The following PPM1G variants were observed in gnomAD, a reference collection of about 807,000 sequenced individuals.
PPM1G encodes the protein protein phosphatase 1G.
Under a neutral mutation model 59.4 loss-of-function variants are expected in PPM1G, and 12 were observed. The observed-to-expected ratio is 0.20, with a 90% CI of 0.13 to 0.33. PPM1G has a LOEUF of 0.33. PPM1G is among the 10% of genes least tolerant of loss of function. The pLI, the probability that PPM1G is intolerant of heterozygous loss-of-function variation, is 1.00. For synonymous variants in PPM1G, 245 were observed against 251.9 expected (o/e 0.97, Z 0.26); for missense variants, 392 against 681.3 (o/e 0.58, Z 4.73).
chr2:27,392,523 G>A (rs770940554), intron 1 of PPM1G, among the ~76,000 whole-genome samples: 3 of 143,846 alleles, frequency 2.1e-5, no homozygotes, highest in Non-Finnish European at 4.5e-5. Context: ...TCAAACTCCC[G>A]ACCTCAGGTG....
intron 3 of PPM1G, 100 bp downstream of exon 3, chr2:27,386,091 AAGC>A: frequency 7.1e-6 from 9 of 1,268,312 alleles, no homozygotes; most frequent in African/African-American, 1.5e-5. Context: ...AAGAGTAAAT[AAGC>A]AGCAGCAGCT....
At chr2:27,386,039 TA>T in intron 3 of PPM1G, 154 bp downstream of exon 3, 1 of 1,255,648 alleles carries the variant, frequency 8.0e-7, no homozygotes, top group Non-Finnish European at 1.1e-6. Context: ...AAGGCAAGTC[TA>T]AAAGGCGGCC....
chr2:27,389,681 T>A (rs1043396093), intron 1 of PPM1G, among the ~76,000 whole-genome samples: 1 of 152,106 alleles, frequency 6.6e-6, no homozygotes, highest in African/African-American at 2.4e-5. Context: ...TGTTATGAGA[T>A]TGGCTAGGTG....
In PPM1G at chr2:27,382,194, T is replaced by A; in HGVS notation, c.1366A>T (p.Ile456Phe). 7 of 1,614,198 alleles carry A rather than the reference T, an allele frequency of 4.3e-6. No homozygotes were observed. The highest frequency in any genetic ancestry group is 5.9e-6 in the Non-Finnish European group (7 of 1,180,016). ...TCACGCTGGCTGATCTTTGATTGAA[T>A]GAAATCTACAACTTCCTGGCTGCTC... The part of the protein sequence containing the change: ...VMSSQEVVDF[I>F]QSKISQRDEN... The change falls in exon 9 of 10, where the codon ATT (isoleucine) becomes TTT (phenylalanine). Residue 456 changes from isoleucine to phenylalanine, a missense_variant. By Grantham distance (21) the Ile-to-Phe change is conservative. This residue lies in a region of PPM1G where 29 missense variants were observed against 38.9 expected (regional missense o/e 0.75). Coordinates refer to ENST00000344034, the MANE Select transcript of PPM1G (RefSeq NM_177983.3). This position sits in a 1 kb window ranked among gnomAD's most constrained non-coding sequence, Gnocchi z 4.2.
chr2:27,393,349 A>G, intron 1 of PPM1G: 1 of 1,595,300 alleles, frequency 6.3e-7, no homozygotes, highest in Non-Finnish European at 8.5e-7. Flanking sequence ...CGCACCTGCG[A>G]GGTAGACGCG....
At chr2:27,386,503 T>C (rs1683767409) in intron 2 of PPM1G, 1 of 368,616 alleles carries the variant, frequency 2.7e-6, no homozygotes, top group Admixed American at 3.9e-5. Flanking sequence ...TTTTCTCACC[T>C]GTATACTTAG....
At position 27,382,034 on chromosome 2, in the gene PPM1G, A is replaced by G. The variant is rs1683644351; in HGVS notation, c.1434+92T>C. 3 of 1,287,720 alleles carry G rather than the reference A, an allele frequency of 2.3e-6. No individual in the cohort carries two copies. The highest frequency in any genetic ancestry group is 2.4e-5 in the South Asian group (2 of 81,926). The allele number at this position is 1,287,720 out of a possible 1,614,324, so 79.8% of individuals were successfully genotyped here. On this transcript the variant is annotated intron_variant, in intron 9 of 9. Coordinates refer to ENST00000344034, the MANE Select transcript of PPM1G (RefSeq NM_177983.3). The surrounding 1 kb of genome is among the most constrained non-coding windows in gnomAD (Gnocchi z 4.2). ...TTAGCGTCTGTCAGCAATTACTGAT[A>G]ATGCTCCCAGATTGCCGACTTAGCT...
Position 27,383,273 on chromosome 2 carries a change from G to T in PPM1G, c.1201+93C>A. 8.9e-7 allele frequency: 1 copy of T among 1,118,948 alleles called. No individual in the cohort carries two copies. The highest frequency in any genetic ancestry group is 1.3e-6 in the Non-Finnish European group (1 of 756,416). 69.3% of individuals were successfully genotyped at this position (1,118,948 alleles called of 1,614,324 possible). On this transcript the variant is annotated intron_variant, in intron 7 of 9. Coordinates refer to ENST00000344034, the MANE Select transcript of PPM1G (RefSeq NM_177983.3). The surrounding 1 kb of genome is among the most constrained non-coding windows in gnomAD (Gnocchi z 5.0). ...TAGTAGATATTAAAGTGCTTTGAAA[G>T]GCACAAGCACTAGGAAGATTAAAGT...
intron 9 of PPM1G, 85 bp from the exon 10 acceptor site, chr2:27,381,890 G>A: frequency 7.1e-7 from 1 of 1,407,122 alleles, no homozygotes; most frequent in South Asian, 1.2e-5. Context: ...CTGGCTTGCT[G>A]AGTCAGGGTG....
intron 1 of PPM1G, among the ~76,000 whole-genome samples, chr2:27,393,787 G>C (rs1307919313): frequency 6.6e-6 from 1 of 151,794 alleles, no homozygotes; most frequent in Non-Finnish European, 1.5e-5. Context: ...TTTAGAGACA[G>C]AGTCTCACTC....
In PPM1G at chr2:27,381,703, G is replaced by A. The variant is rs569991722; in HGVS notation, c.1537C>T (p.Leu513Phe). 1 of 1,614,030 alleles carries A rather than the reference G, an allele frequency of 6.2e-7. No individual in the cohort carries two copies. The highest frequency in any genetic ancestry group is 1.3e-5 in the African/African-American group (1 of 74,966). ...ICFKPRNTAELQPESGKRKLE... is the reference protein window; with the variant it reads ...ICFKPRNTAEFQPESGKRKLE... Reference sequence around the variant, plus strand: ...TTTCGCTTGCCACTCTCTGGCTGGAGCTCTGCTGTGTTTCGGGGCTTGAAG... The same window carrying A: ...TTTCGCTTGCCACTCTCTGGCTGGAACTCTGCTGTGTTTCGGGGCTTGAAG... The change falls in exon 10 of 10, where the codon CTC (leucine) becomes TTC (phenylalanine). Residue 513 changes from leucine (L) to phenylalanine (F), a missense_variant. Leu to Phe is a conservative substitution (Grantham distance 22). This residue lies in a region of PPM1G where 49 missense variants were observed against 43.4 expected (regional missense o/e 1.13). Transcript: ENST00000344034.
rs1205255529 is a variant in PPM1G at position 27,394,051 on chromosome 2, C to T, written c.121-6893G>A. Among the ~76,000 whole-genome samples the T allele has an allele frequency of 3.9e-5, 6 of 152,012 alleles. No homozygotes were observed. The South Asian group carries it at 1.2e-3, about 32-fold the overall frequency. ...TGCTGGGATTACAGGCATGAGCCAC[C>T]GCGCCCGGCCTAATTTTTTATTTTT... is the stretch of plus-strand genomic sequence containing the variant. On this transcript the variant is annotated intron_variant, in intron 1 of 9. Transcript: ENST00000344034.
intron 1 of PPM1G, among the ~76,000 whole-genome samples, chr2:27,403,494 T>A (rs546217512): frequency 1.3e-5 from 2 of 152,286 alleles, no homozygotes; most frequent in East Asian, 3.9e-4. Context: ...GGCATACATG[T>A]GATATAATTC....
chr2:27,402,945 C>A (rs1422041120), intron 1 of PPM1G, among the ~76,000 whole-genome samples: 1 of 150,680 alleles, frequency 6.6e-6, no homozygotes, highest in East Asian at 2.0e-4. Flanking sequence ...ATTAGCCAGT[C>A]ATGGTGGCAT....
intron 1 of PPM1G, among the ~76,000 whole-genome samples, chr2:27,402,849 T>TA (rs1348453372): frequency 2.9e-3 from 309 of 104,750 alleles, no homozygotes; most frequent in African/African-American, 9.4e-3. Context: ...AATAAATAAA[T>TA]AAATAAAATA....
In PPM1G at chr2:27,384,121, AGACT is replaced by A. The variant is rs1314135051; in HGVS notation, c.826-33_826-30del. 2.5e-6 allele frequency: 4 copies of A among 1,613,580 alleles called. No homozygotes were observed. Among genetic ancestry groups the A allele is most frequent in the African/African-American group, 1.3e-5 (1 of 74,880 alleles). ...CCAGGGGGAGGATCCCAGACTGCTG[AGACT>A]GGGATGATCCCCTCCCTCCCCACAG... On this transcript the variant is annotated intron_variant, in intron 5 of 9. Coordinates refer to ENST00000344034, the MANE Select transcript of PPM1G (RefSeq NM_177983.3). The surrounding 1 kb of genome is among the most constrained non-coding windows in gnomAD (Gnocchi z 4.8).
chr2:27,384,567 GGAT>G lies in PPM1G; in HGVS notation c.825+103_825+105del. The G allele has an allele frequency of 1.5e-6, 2 of 1,327,318 alleles. No homozygotes were observed. The highest frequency in any genetic ancestry group is 2.1e-6 in the Non-Finnish European group (2 of 970,588). The allele number at this position is 1,327,318 out of a possible 1,614,324, so 82.2% of individuals were successfully genotyped here. ...AGCTTAGAATACAGTGGGTCTTGGG[GGAT>G]GATGTCAAAATAGGAGAAGGAAAGA... On this transcript the variant is annotated intron_variant, in intron 5 of 9. Transcript: ENST00000344034. This position sits in a 1 kb window ranked among gnomAD's most constrained non-coding sequence, Gnocchi z 4.8.
In PPM1G at chr2:27,383,894, G is replaced by A; in HGVS notation, c.966+58C>T. 6.5e-7 allele frequency: 1 copy of A among 1,545,922 alleles called. No homozygotes were observed. The highest frequency in any genetic ancestry group is 2.0e-5 in the Admixed American group (1 of 50,394). ...ATCCCCTGTCTCAAAATCAAAATTA[G>A]GGGATTCACACCTGCCTTGTGGCTT... On this transcript the variant is annotated intron_variant, in intron 6 of 9. Transcript: ENST00000344034. This position sits in a 1 kb window ranked among gnomAD's most constrained non-coding sequence, Gnocchi z 5.0.
rs1247410186 is a variant in PPM1G, at chr2:27,382,741, G to A, written c.1202-136C>T. On this transcript the variant is annotated intron_variant, in intron 7 of 9. Transcript: ENST00000344034. The surrounding 1 kb of genome is among the most constrained non-coding windows in gnomAD (Gnocchi z 4.2). ...AGTGGAATGGGGAACTGAGTCCTAA[G>A]TCCTAGTTTTTCTAGTTTCAACCCT... The A allele has an allele frequency of 1.7e-6, 2 of 1,144,486 alleles. No homozygotes were observed. The highest frequency in any genetic ancestry group is 1.6e-5 in the South Asian group (1 of 62,594). 70.9% of individuals were successfully genotyped at this position (1,144,486 alleles called of 1,614,324 possible). A position where few individuals can be genotyped will look rare whatever the true frequency, so the allele number is the denominator to read the frequency against.
Sources: gnomAD v4.1 joint callset for allele counts (sites outside exome capture counted in the v4.1 genomes callset) on GRCh38, gnomAD v4.1.1 for gene constraint, gnomAD v4.1.1 regional missense constraint, Gnocchi (gnomAD v3.1) non-coding constraint, MANE v1.5 for transcripts, NCBI Gene and HGNC (gene_info 2026-07-23, HGNC 2026-07-21) for gene names.